Variants in MID1 observed in about 807,000 individuals in gnomAD.
The protein encoded by MID1 is E3 ubiquitin-protein ligase Midline-1.
In MID1, 7 loss-of-function variants were observed where a neutral mutation model predicts 40.4. That is an observed-to-expected ratio of 0.17 (90% confidence interval 0.10 to 0.33). MID1 has a LOEUF of 0.33. Among genes scored for constraint, MID1 ranks in the 10% least tolerant of loss-of-function variants. MID1 has a pLI of 1.00. For synonymous variants in MID1, 229 were observed against 221.2 expected, an observed-to-expected ratio of 1.04 and a Z score of -0.31; for missense variants, 367 against 558.5, an observed-to-expected ratio of 0.66 and a Z score of 3.46.
At chrX:10,754,191 A>G (rs1400215764) in intron 1 of MID1, among the ~76,000 whole-genome samples, 1 of 112,253 alleles carries the variant, frequency 8.9e-6, no homozygotes, top group African/African-American at 3.2e-5. Flanking sequence ...TATTTGCCTG[A>G]GTGCTGAATT....
intron 9 of MID1, among the ~76,000 whole-genome samples, chrX:10,453,538 C>T (rs1401992259): frequency 8.9e-6 from 1 of 111,875 alleles, no homozygotes; most frequent in Non-Finnish European, 1.9e-5. Flanking sequence ...TGAATAGCAG[C>T]ATACCATGGT....
chrX:10,541,584 C>T (rs1419779812), intron 2 of MID1, among the ~76,000 whole-genome samples: 5 of 111,033 alleles, frequency 4.5e-5, no homozygotes, highest in Non-Finnish European at 5.7e-5. Flanking sequence ...TACTGAAGTA[C>T]GATAGAGGTT....
At chrX:10,610,639 T>C (rs1342058142) in intron 1 of MID1, among the ~76,000 whole-genome samples, 3 of 111,729 alleles carry the variant, frequency 2.7e-5, no homozygotes, top group African/African-American at 9.8e-5. Context: ...AAAATTGCTG[T>C]AGAAATTGAT....
rs185820133 is a variant in MID1, at chrX:10,480,948, A to G, written c.1013+1532T>C. 4.8e-3 allele frequency among the ~76,000 whole-genome samples: 544 copies of G among 112,414 alleles called. 3 individuals are homozygous for G. The highest frequency in any genetic ancestry group is 8.6e-3 in the Non-Finnish European group (458 of 53,298). On this transcript the variant is annotated intron_variant, in intron 5 of 9. Coordinates refer to ENST00000317552, the MANE Select transcript of MID1 (RefSeq NM_000381.4). The stretch of plus-strand genomic sequence containing the variant: ...TTGAGAATTAGCACAAGTTTCCGAA[A>G]CAAGCAAGCACTCAATAAATGTTAG...
rs779647873 is a variant in MID1, at chrX:10,610,092, A to C, written c.-57+10198T>G. On this transcript the variant is annotated intron_variant, in intron 1 of 9. Coordinates refer to ENST00000317552, the MANE Select transcript of MID1 (RefSeq NM_000381.4). ...ATGCAAATAGACCTTCAACACATGC[A>C]GAGACACTCAACGTCACTCAGAAGA... Among the ~76,000 whole-genome samples the C allele has an allele frequency of 3.6e-5, 4 of 112,340 alleles. No homozygotes were observed. The East Asian group carries it at 1.1e-3, about 31-fold the overall frequency.
At chrX:10,756,895 T>C (rs991878235) in intron 1 of MID1, among the ~76,000 whole-genome samples, 3 of 111,689 alleles carry the variant, frequency 2.7e-5, no homozygotes, top group South Asian at 7.5e-4. Flanking sequence ...CCAAGTTGCA[T>C]TGCCATGTTA....
At chrX:10,467,718 C>A (rs942010057) in intron 7 of MID1, among the ~76,000 whole-genome samples, 2 of 111,983 alleles carry the variant, frequency 1.8e-5, no homozygotes, top group African/African-American at 6.5e-5. Flanking sequence ...CATGGTATGG[C>A]CTGGGTAGCC....
intron 1 of MID1, among the ~76,000 whole-genome samples, chrX:10,809,596 C>A (rs2147151506): frequency 9.0e-6 from 1 of 111,386 alleles, no homozygotes; most frequent in East Asian, 2.8e-4. Flanking sequence ...TACTATGCAG[C>A]CATAAAAAAG....
chrX:10,465,200 T>C (rs1929275645), intron 7 of MID1, among the ~76,000 whole-genome samples: 1 of 65,225 alleles, frequency 1.5e-5, no homozygotes, highest in African/African-American at 7.8e-5. Flanking sequence ...TATATATATA[T>C]ATATATATAT....
intron 1 of MID1, among the ~76,000 whole-genome samples, chrX:10,575,223 G>A (rs1218032426): frequency 5.4e-5 from 6 of 111,600 alleles, no homozygotes; most frequent in Non-Finnish European, 1.1e-4. Context: ...TTTGCTATGA[G>A]ATTATCTTTA....
chrX:10,696,586 C>T (rs1332899974), intron 1 of MID1, among the ~76,000 whole-genome samples: 1 of 111,924 alleles, frequency 8.9e-6, no homozygotes, highest in East Asian at 2.8e-4. Context: ...TCTGAGGAAG[C>T]AAGAATTGAG....
At chrX:10,747,993 GTCAATTTTCAATCTTCT>G (rs2043571314) in intron 1 of MID1, among the ~76,000 whole-genome samples, 1 of 110,379 alleles carries the variant, frequency 9.1e-6, no homozygotes, top group Non-Finnish European at 1.9e-5. Flanking sequence ...TTCTAGGCAT[GTCAATTTTCAATCTTCT>G]GGGATCCATT....
intron 1 of MID1, among the ~76,000 whole-genome samples, chrX:10,812,324 T>C (rs2044107779): frequency 1.8e-5 from 2 of 111,436 alleles, no homozygotes; most frequent in Admixed American, 9.6e-5. Flanking sequence ...GCTTATGTTC[T>C]TCTGGTTGAT....
chrX:10,501,825 C>T (rs1217913858), intron 3 of MID1, among the ~76,000 whole-genome samples: 1 of 111,784 alleles, frequency 8.9e-6, no homozygotes, highest in African/African-American at 3.3e-5. Flanking sequence ...GCTATTTTCT[C>T]GAGGGCACTT....
At chrX:10,586,110 C>T (rs747218572) in intron 1 of MID1, among the ~76,000 whole-genome samples, 5 of 111,387 alleles carry the variant, frequency 4.5e-5, no homozygotes, top group African/African-American at 6.6e-5. Context: ...TAACATTATA[C>T]AAACAAGTTT....
rs12857008 is a variant in MID1, at chrX:10,747,232, T to C, written c.-187+86322A>G. 5.6e-4 allele frequency among the ~76,000 whole-genome samples: 63 copies of C among 112,175 alleles called. No individual in the cohort carries two copies. The East Asian group carries it at 0.017, about 29-fold the overall frequency. ...GAAGAGCAGTCTGAGGCCATCATAA[T>C]AGTTGAGGACAGAACTGATGAGGAT... On this transcript the variant is annotated intron_variant, in intron 1 of 10. Coordinates refer to the MID1 transcript ENST00000380785.
At chrX:10,810,271 T>C (rs2044087905) in intron 1 of MID1, among the ~76,000 whole-genome samples, 2 of 112,566 alleles carry the variant, frequency 1.8e-5, no homozygotes, top group Non-Finnish European at 3.8e-5. Flanking sequence ...ACAGTATTTG[T>C]CCTTTTCTGC....
chrX:10,489,696 GT>G (rs778434207), intron 4 of MID1, among the ~76,000 whole-genome samples: 56 of 95,461 alleles, frequency 5.9e-4, no homozygotes, highest in Non-Finnish European at 5.5e-4. Context: ...TATTTTCAAA[GT>G]TTTTTTTTTT....
chrX:10,489,268 G>T (rs1236698069), intron 4 of MID1, among the ~76,000 whole-genome samples: 1 of 111,801 alleles, frequency 8.9e-6, no homozygotes, highest in East Asian at 2.8e-4. Flanking sequence ...TTTCTTTTAT[G>T]GATAATGCTT....
Sources: allele counts gnomAD v4.1 joint callset (sites outside exome capture counted in the v4.1 genomes callset), GRCh38; gene constraint gnomAD v4.1.1; transcripts MANE v1.5; gene names NCBI Gene and HGNC (gene_info 2026-07-23, HGNC 2026-07-21).